The following PDE4A variants were observed in gnomAD, a reference collection of about 807,000 sequenced individuals.
The protein encoded by PDE4A is 3',5'-cyclic-AMP phosphodiesterase 4A.
A neutral mutation model predicts 73.9 loss-of-function variants in PDE4A; 21 were observed. That is an observed-to-expected ratio of 0.28 (90% confidence interval 0.20 to 0.41). The LOEUF (loss-of-function observed/expected upper bound fraction) is 0.41. PDE4A is among the 10% of genes least tolerant of loss of function. PDE4A has a pLI of 1.00. For missense variants in PDE4A, 958 were observed against 1,211.4 expected (o/e 0.79, Z 3.10); for synonymous variants, 463 against 505.4 (o/e 0.92, Z 1.13).
At chr19:10,432,660 G>C (rs1479949248) in intron 1 of PDE4A, 2 of 1,286,818 alleles carry the variant, frequency 1.6e-6, no homozygotes, top group East Asian at 6.2e-5. Context: ...GTCTACCTGG[G>C]TGAGTCCCCT....
chr19:10,435,124 C>T (rs1420938840), intron 1 of PDE4A, among the ~76,000 whole-genome samples: 1 of 151,992 alleles, frequency 6.6e-6, no homozygotes, highest in Non-Finnish European at 1.5e-5. Context: ...CAGTAGTCAT[C>T]CCCCAAGGCC....
intron 1 of PDE4A, among the ~76,000 whole-genome samples, chr19:10,428,397 T>TGA (rs151327420): frequency 2.9e-3 from 333 of 116,160 alleles, no homozygotes; most frequent in Middle Eastern, 4.4e-3. Context: ...AGAGAGATAT[T>TGA]GAGAGAGAGA....
Position 10,458,561 on chromosome 19 carries a change from G to T in PDE4A, c.1101+459G>T, listed in dbSNP as rs1169388959. ...GCTGAGGCTTATTGTAACCCTCTTT[G>T]AGCCACCTCCTCCAGTGAATCTTCC... On this transcript the variant is annotated intron_variant, in intron 8 of 14. Coordinates refer to ENST00000380702, the MANE Select transcript of PDE4A (RefSeq NM_001111307.2). This position sits in a 1 kb window ranked among gnomAD's most constrained non-coding sequence, Gnocchi z 4.6. Among the ~76,000 whole-genome samples the T allele has an allele frequency of 6.6e-6, 1 of 152,158 alleles. No individual in the cohort carries two copies. Among genetic ancestry groups the T allele is most frequent in the Admixed American group, 6.6e-5 (1 of 15,258 alleles).
chr19:10,452,573 C>G (rs2043108592), intron 6 of PDE4A, among the ~76,000 whole-genome samples: 2 of 150,904 alleles, frequency 1.3e-5, no homozygotes, highest in South Asian at 4.2e-4. Flanking sequence ...CAGCTGTGGA[C>G]CTATAAGTGT....
Position 10,456,530 on chromosome 19 carries a change from A to G in PDE4A, c.878-1349A>G, listed in dbSNP as rs560513265. 2.0e-3 allele frequency among the ~76,000 whole-genome samples: 306 copies of G among 151,504 alleles called. 2 individuals carry two copies. The highest frequency in any genetic ancestry group is 7.2e-3 in the Admixed American group (109 of 15,204). On this transcript the variant is annotated intron_variant, in intron 7 of 14. Coordinates refer to ENST00000380702, the MANE Select transcript of PDE4A (RefSeq NM_001111307.2). Reference sequence around the variant, plus strand: ...GACAGAGTGAGACTCCATCTCAAAAAAAAAATAAATAAATAAATAAATAAA... The same window carrying G: ...GACAGAGTGAGACTCCATCTCAAAAGAAAAATAAATAAATAAATAAATAAA...
At chr19:10,465,512 G>A (rs1056040181) in intron 14 of PDE4A, among the ~76,000 whole-genome samples, 5 of 149,660 alleles carry the variant, frequency 3.3e-5, no homozygotes, top group Non-Finnish European at 6.0e-5. Flanking sequence ...AAGCCACCGC[G>A]CCCAGCCTCC....
chr19:10,461,219 T>TGGCC (rs2043260123), intron 11 of PDE4A, 116 bp downstream of exon 11: 1 of 898,836 alleles, frequency 1.1e-6, no homozygotes, highest in Non-Finnish European at 1.3e-6. Flanking sequence ...CGGGGCTGGC[T>TGGCC]GGCCTGGAAA....
intron 1 of PDE4A, among the ~76,000 whole-genome samples, chr19:10,444,332 C>T (rs1273979524): frequency 6.6e-6 from 1 of 151,666 alleles, no homozygotes; most frequent in Non-Finnish European, 1.5e-5. Context: ...CTGACTGTGT[C>T]TACTGAAAAT....
chr19:10,420,274 T>C (rs1399892984), upstream of PDE4A: 15 of 419,952 alleles, frequency 3.6e-5, no homozygotes, highest in African/African-American at 4.3e-5. This position sits in a 1 kb window ranked among gnomAD's most constrained non-coding sequence, Gnocchi z 6.0. Flanking sequence ...ACCGTTTAAC[T>C]CCTTCGTGCC....
At chr19:10,427,996 A>G (rs760827318) in intron 1 of PDE4A, 12 of 133,196 alleles carry the variant, frequency 9.0e-5, no homozygotes, top group Non-Finnish European at 1.7e-4. Flanking sequence ...ACCCTGTCAA[A>G]AAAAAAAAAA....
chr19:10,461,434 G>T, intron 11 of PDE4A, 92 bp from the exon 12 acceptor site: 1 of 1,557,366 alleles, frequency 6.4e-7, no homozygotes. Flanking sequence ...GGCCGGGCTG[G>T]GGAGGGGTTA....
chr19:10,446,222 G>C lies in PDE4A; in HGVS notation c.325G>C (p.Glu109Gln), dbSNP rs202082451. Residue 109 changes from glutamate to glutamine, a missense_variant, in exon 2 of 15, where the codon GAG (glutamate) becomes CAG (glutamine). Physicochemically the swap from Glu to Gln is conservative, Grantham distance 29. Transcript: ENST00000380702. ...GAGGGSSRRF[E>Q]AENGPTPSPG... is the part of the protein sequence containing the mutation. Reference sequence around the variant, plus strand: ...CTTCTCGCCCATCCCCTGCAGCTTCGAGGCAGAGAATGGGCCGACACCATC... The same window carrying C: ...CTTCTCGCCCATCCCCTGCAGCTTCCAGGCAGAGAATGGGCCGACACCATC... The C allele has an allele frequency of 1.3e-6, 2 of 1,567,560 alleles. No individual in the cohort carries two copies. The highest frequency in any genetic ancestry group is 2.4e-5 in the East Asian group (1 of 42,010).
chr19:10,435,776 C>A (rs2042857896), intron 1 of PDE4A, among the ~76,000 whole-genome samples: 1 of 152,038 alleles, frequency 6.6e-6, no homozygotes, highest in African/African-American at 2.4e-5. Flanking sequence ...TAACTTTGGG[C>A]CACCCTGAGC....
intron 2 of PDE4A, 107 bp from the exon 3 acceptor site, chr19:10,448,810 A>G: frequency 6.4e-7 from 1 of 1,564,960 alleles, no homozygotes; most frequent in Admixed American, 1.9e-5. Context: ...GGTCCCACAG[A>G]GTCCCCTCCC....
intron 6 of PDE4A, among the ~76,000 whole-genome samples, chr19:10,452,613 GGTGT>G (rs138348522): frequency 2.4e-4 from 35 of 147,350 alleles, no homozygotes; most frequent in African/African-American, 6.7e-4. Context: ...ACTGTCTCCG[GGTGT>G]GTGTGTGTGT....
intron 14 of PDE4A, chr19:10,464,287 G>T: frequency 2.4e-6 from 1 of 418,310 alleles, no homozygotes; most frequent in Non-Finnish European, 4.6e-6. Flanking sequence ...TAGTAGAGAT[G>T]GGGTTTCACC....
At position 10,458,882 on chromosome 19, in the gene PDE4A, G is replaced by T. The variant is rs1293903450; in HGVS notation, c.1102-518G>T. The T allele has an allele frequency of 6.4e-6, 1 of 157,394 alleles. No homozygotes were observed. The highest frequency in any genetic ancestry group is 1.4e-5 in the Non-Finnish European group (1 of 70,990). The allele number at this position is 157,394 out of a possible 1,614,324, so 9.7% of individuals were successfully genotyped here. On this transcript the variant is annotated intron_variant, in intron 8 of 14. Coordinates refer to ENST00000380702, the MANE Select transcript of PDE4A (RefSeq NM_001111307.2). This position sits in a 1 kb window ranked among gnomAD's most constrained non-coding sequence, Gnocchi z 4.6. The stretch of plus-strand genomic sequence containing the variant: ...GATCCACCCGCCTTAGCCTCACAAA[G>T]TGCTGGGATTGCAGGCGTGAGCCAC...
chr19:10,450,835 C>T lies in PDE4A; in HGVS notation c.677C>T (p.Thr226Met), dbSNP rs201996098. The change falls in exon 6 of 15, where the codon ACG becomes ATG. Residue 226 changes from threonine (T) to methionine (M), a missense_variant. This residue lies in a region of PDE4A where 570 missense variants were observed against 827.7 expected (regional missense o/e 0.69). Transcript: ENST00000380702. ...PVCKATLSEE[T>M]CQQLARETLE... The stretch of plus-strand genomic sequence containing the variant: ...CTGGCTGCCCCTTCCTTAGAAGAAA[C>T]GTGTCAGCAGTTGGCCCGGGAGACT... 111 of 1,608,976 alleles carry T rather than the reference C, an allele frequency of 6.9e-5. No individual in the cohort carries two copies. The South Asian group carries it at 1.1e-3, about 16-fold the overall frequency.
At chr19:10,429,296 A>AAG (rs1339196632) in intron 1 of PDE4A, among the ~76,000 whole-genome samples, 1 of 136,478 alleles carries the variant, frequency 7.3e-6, no homozygotes, top group East Asian at 2.3e-4. Flanking sequence ...GAAAGAAAGA[A>AAG]AGAAAGAGAG....
Sources: allele counts gnomAD v4.1 joint callset (sites outside exome capture counted in the v4.1 genomes callset), GRCh38; gene constraint gnomAD v4.1.1; regional missense constraint gnomAD v4.1.1; non-coding constraint Gnocchi (gnomAD v3.1); transcripts MANE v1.5; gene names NCBI Gene and HGNC (gene_info 2026-07-23, HGNC 2026-07-21).